The following ATAD2B variants were observed in gnomAD, a reference collection of about 807,000 sequenced individuals.
The protein encoded by ATAD2B is ATPase family AAA domain-containing protein 2B.
In ATAD2B, 40 loss-of-function variants were observed where a neutral mutation model predicts 167.6. The observed-to-expected ratio is 0.24, with a 90% CI of 0.19 to 0.31. The LOEUF (loss-of-function observed/expected upper bound fraction) is 0.31, where lower values mean the gene tolerates loss of function less well. Among genes scored for constraint, ATAD2B ranks in the 10% least tolerant of loss-of-function variants. The pLI is 1.00. For missense variants in ATAD2B, 1,242 were observed against 1,757.2 expected, an observed-to-expected ratio of 0.71 and a Z score of 5.24; for synonymous variants, 579 against 596.5, an observed-to-expected ratio of 0.97 and a Z score of 0.43.
At chr2:23,858,209 C>T (rs898611394) in intron 12 of ATAD2B, among the ~76,000 whole-genome samples, 19 of 151,990 alleles carry the variant, frequency 1.3e-4, no homozygotes, top group Admixed American at 6.6e-5. Context: ...CAACCTCCGC[C>T]TCCCGGGTTC....
chr2:23,838,773 A>G (rs990384638), intron 13 of ATAD2B, among the ~76,000 whole-genome samples: 3 of 152,268 alleles, frequency 2.0e-5, no homozygotes, highest in East Asian at 1.9e-4. Flanking sequence ...TAAATTAGGC[A>G]TCCATATGTG....
intron 1 of ATAD2B, among the ~76,000 whole-genome samples, chr2:23,922,709 A>AAAAAAAAAAAAAAC (rs1704128008): frequency 6.6e-6 from 1 of 151,406 alleles, no homozygotes; most frequent in Admixed American, 6.6e-5. Context: ...CTCAAAAAAA[A>AAAAAAAAAAAAAAC]AAAAAAAGGG....
intron 23 of ATAD2B, among the ~76,000 whole-genome samples, chr2:23,764,637 T>C (rs1677166037): frequency 6.6e-6 from 1 of 152,156 alleles, no homozygotes; most frequent in African/African-American, 2.4e-5. Context: ...AATAATATAA[T>C]GCCAAATGCT....
intron 11 of ATAD2B, 147 bp downstream of exon 11, chr2:23,864,662 T>C (rs761050316): frequency 1.3e-5 from 6 of 444,790 alleles, no homozygotes; most frequent in South Asian, 1.0e-4. Context: ...CTCTGGACCC[T>C]AAACAATAAC....
intron 15 of ATAD2B, among the ~76,000 whole-genome samples, chr2:23,828,435 G>A (rs1207839282): frequency 6.6e-6 from 1 of 152,146 alleles, no homozygotes; most frequent in African/African-American, 2.4e-5. Context: ...CTAGACCACA[G>A]GAATGAAAAT....
intron 1 of ATAD2B, among the ~76,000 whole-genome samples, chr2:23,905,928 A>T (rs1370450911): frequency 6.6e-6 from 1 of 152,224 alleles, no homozygotes; most frequent in Non-Finnish European, 1.5e-5. Flanking sequence ...TAGTGCTGAT[A>T]GTATTGGGGA....
the ATAD2B span, chr2:23,706,626 G>A: frequency 5.2e-6 from 8 of 1,534,914 alleles, no homozygotes; most frequent in South Asian, 2.4e-5. Context: ...GTTCAGACAC[G>A]GCTGCGTCGT....
chr2:23,679,280 CA>C, the ATAD2B span, among the ~76,000 whole-genome samples: 1 of 152,192 alleles, frequency 6.6e-6, no homozygotes, highest in Non-Finnish European at 1.5e-5. Context: ...TACACTCAGC[CA>C]ATCTAGGTCA....
At chr2:23,794,910 G>A (rs1305134697) in intron 19 of ATAD2B, among the ~76,000 whole-genome samples, 1 of 152,072 alleles carries the variant, frequency 6.6e-6, no homozygotes, top group African/African-American at 2.4e-5. Flanking sequence ...AACTTATCGT[G>A]GGGACTATTG....
In ATAD2B at chr2:23,924,625, A is replaced by T. The variant is rs77239468; in HGVS notation, c.216+1930T>A. 4.3e-4 allele frequency among the ~76,000 whole-genome samples: 65 copies of T among 152,350 alleles called. 1 individual carries two copies. In the East Asian group the frequency reaches 0.012, roughly 29 times the overall value. On this transcript the variant is annotated intron_variant, in intron 1 of 27. Coordinates refer to ENST00000238789, the MANE Select transcript of ATAD2B (RefSeq NM_017552.4). Reference sequence around the variant, plus strand: ...ATTAGATGACTACATCATCTCCTAGAGCCGAACATAAATCTTCTTAAGACT... The same window carrying T: ...ATTAGATGACTACATCATCTCCTAGTGCCGAACATAAATCTTCTTAAGACT...
downstream of ATAD2B, among the ~76,000 whole-genome samples, chr2:23,743,732 T>C (rs1009251067): frequency 2.6e-5 from 4 of 151,958 alleles, no homozygotes; most frequent in Non-Finnish European, 4.4e-5. Context: ...GCTCAAGTGG[T>C]CCTCCCATCT....
At chr2:23,797,677 T>C (rs780770087) in intron 19 of ATAD2B, among the ~76,000 whole-genome samples, 14 of 152,140 alleles carry the variant, frequency 9.2e-5, no homozygotes, top group Non-Finnish European at 2.1e-4. Flanking sequence ...GATCCAAGTC[T>C]AAACAAAATT....
At chr2:23,744,925 G>C (rs1182589962), downstream of ATAD2B, among the ~76,000 whole-genome samples, 1 of 152,052 alleles carries the variant, frequency 6.6e-6, no homozygotes, top group African/African-American at 2.4e-5. Context: ...ATTTAATACT[G>C]GGTGGTAGGA....
At chr2:23,890,597 C>T (rs76765856) in intron 2 of ATAD2B, among the ~76,000 whole-genome samples, 7,535 of 152,236 alleles carry the variant, frequency 0.049, 189 homozygotes, top group South Asian at 0.064. Context: ...TGTCTTTAGA[C>T]CCAACAAAGC....
Position 23,884,802 on chromosome 2 carries a change from T to C in ATAD2B, c.747A>G (p.Gln249=), listed in dbSNP as rs3736486. The change falls in exon 6 of 28, where the codon CAA becomes CAG. Residue 249 remains glutamine (Q), a synonymous_variant. Transcript: ENST00000238789. ...CCTCAGTAGAAACTTCATGATGATTTTGTATCCCATAACTATTTCTTCTTA... is the reference window on the plus strand; with the variant it reads ...CCTCAGTAGAAACTTCATGATGATTCTGTATCCCATAACTATTTCTTCTTA... ...KSLRRNSYGI[Q]NHHEVSTEGE... 506 of 1,601,042 alleles carry C rather than the reference T, an allele frequency of 3.2e-4. 6 individuals carry two copies. In the East Asian group the frequency reaches 7.6e-3, roughly 24 times the overall value.
At chr2:23,896,790 C>T (rs535141106) in intron 1 of ATAD2B, among the ~76,000 whole-genome samples, 2 of 152,288 alleles carry the variant, frequency 1.3e-5, no homozygotes, top group Admixed American at 1.3e-4. Flanking sequence ...CCTCCTCAGT[C>T]TCCCTCAATC....
chr2:23,678,055 T>C, the ATAD2B span, among the ~76,000 whole-genome samples: 1 of 152,220 alleles, frequency 6.6e-6, no homozygotes, highest in Admixed American at 6.5e-5. Flanking sequence ...TCTTCCTCTT[T>C]ATTACCATCT....
intron 7 of ATAD2B, among the ~76,000 whole-genome samples, chr2:23,878,288 G>A (rs1388409023): frequency 6.6e-6 from 1 of 151,684 alleles, no homozygotes; most frequent in African/African-American, 2.4e-5. Flanking sequence ...TTGAACCCAG[G>A]AGGCGGAGGC....
At chr2:23,843,844 T>C (rs991050821) in intron 13 of ATAD2B, among the ~76,000 whole-genome samples, 7 of 152,220 alleles carry the variant, frequency 4.6e-5, no homozygotes, top group African/African-American at 1.4e-4. Context: ...TCAAAGGTCA[T>C]TGCCCATAAA....
Sources: allele counts gnomAD v4.1 joint callset (sites outside exome capture counted in the v4.1 genomes callset), GRCh38; gene constraint gnomAD v4.1.1; transcripts MANE v1.5; gene names NCBI Gene and HGNC (gene_info 2026-07-23, HGNC 2026-07-21).